TGFBR3: variants seen among roughly 807,000 people sequenced by gnomAD.
TGFBR3 encodes the protein transforming growth factor beta receptor type 3.
Under a neutral mutation model 87.9 loss-of-function variants are expected in TGFBR3, and 46 were observed. The ratio of observed to expected loss-of-function variants is 0.52; its 90% CI spans 0.41 to 0.67. The LOEUF (loss-of-function observed/expected upper bound fraction) is 0.67, where lower values mean the gene tolerates loss of function less well. Ranked by LOEUF, TGFBR3 falls within the 30% of genes least tolerant of loss-of-function variation. The probability of loss-of-function intolerance (pLI) is 0.00; values close to 1 mark genes in which losing one functional copy is unlikely to be tolerated. For synonymous variants in TGFBR3, 381 were observed against 391.6 expected (o/e 0.97, Z 0.32); for missense variants, 866 against 1,041.9 (o/e 0.83, Z 2.32).
chr1:91,875,496 G>C (rs1353528130), intron 1 of TGFBR3, among the ~76,000 whole-genome samples: 1 of 152,020 alleles, frequency 6.6e-6, no homozygotes, highest in Non-Finnish European at 1.5e-5. Context: ...ACTCAATGTA[G>C]ACTGAAAAGA....
intron 2 of TGFBR3, among the ~76,000 whole-genome samples, chr1:91,818,342 A>G (rs10874980): frequency 0.88 from 123,348 of 140,894 alleles, 54,406 homozygotes; most frequent in Middle Eastern, 0.91. Flanking sequence ...AGGACAGCAG[A>G]AAAACTGCTG....
intron 14 of TGFBR3, among the ~76,000 whole-genome samples, chr1:91,703,002 G>A (rs768791265): frequency 1.3e-5 from 2 of 151,948 alleles, no homozygotes; most frequent in Non-Finnish European, 2.9e-5. Flanking sequence ...CCGAGATTGC[G>A]CCACTGCACT....
intron 2 of TGFBR3, among the ~76,000 whole-genome samples, chr1:91,820,147 A>T (rs1399457491): frequency 6.6e-6 from 1 of 152,250 alleles, no homozygotes; most frequent in Non-Finnish European, 1.5e-5. Context: ...GTCATTCAAT[A>T]ATAAAGACCA....
intron 2 of TGFBR3, among the ~76,000 whole-genome samples, chr1:91,842,281 G>A (rs1409735646): frequency 4.6e-5 from 7 of 152,154 alleles, no homozygotes; most frequent in African/African-American, 1.7e-4. Context: ...AGCAAGATAA[G>A]AAGGAATAGG....
intron 3 of TGFBR3, among the ~76,000 whole-genome samples, chr1:91,790,500 G>A (rs919593495): frequency 6.6e-6 from 1 of 152,172 alleles, no homozygotes; most frequent in African/African-American, 2.4e-5. Context: ...AAAACTAAAT[G>A]ACCATTTCAG....
chr1:91,706,636 CTCTGGGG>C (rs1288011454), intron 14 of TGFBR3, among the ~76,000 whole-genome samples: 1 of 152,188 alleles, frequency 6.6e-6, no homozygotes, highest in Non-Finnish European at 1.5e-5. Flanking sequence ...AACCAGCAGC[CTCTGGGG>C]CTGCTCTGTC....
At chr1:91,732,771 G>C (rs1410784735) in intron 5 of TGFBR3, among the ~76,000 whole-genome samples, 1 of 152,170 alleles carries the variant, frequency 6.6e-6, no homozygotes, top group East Asian at 1.9e-4. Context: ...TACTGCACCA[G>C]ACACAAGGTC....
intron 16 of TGFBR3, among the ~76,000 whole-genome samples, chr1:91,695,054 C>G (rs1044001754): frequency 6.7e-6 from 1 of 149,990 alleles, no homozygotes. Context: ...AGGAGCACAT[C>G]TGAATTTTGA....
chr1:91,791,227 G>A (rs1419664078), intron 3 of TGFBR3, among the ~76,000 whole-genome samples: 2 of 152,142 alleles, frequency 1.3e-5, no homozygotes, highest in East Asian at 3.9e-4. Context: ...TATAAGCAGA[G>A]GACAGGTGAG....
chr1:91,836,855 A>T (rs931674472), intron 2 of TGFBR3, among the ~76,000 whole-genome samples: 11 of 152,192 alleles, frequency 7.2e-5, no homozygotes, highest in African/African-American at 2.4e-4. Flanking sequence ...TTTCTGCTAA[A>T]TATCAGAGAT....
chr1:91,849,992 G>A (rs1356684316), intron 2 of TGFBR3, among the ~76,000 whole-genome samples: 1 of 139,836 alleles, frequency 7.2e-6, no homozygotes, highest in Admixed American at 7.9e-5. Context: ...TGAGGCAGGA[G>A]AATGCATGAA....
At chr1:91,785,085 C>G (rs903065887) in intron 3 of TGFBR3, among the ~76,000 whole-genome samples, 1 of 152,166 alleles carries the variant, frequency 6.6e-6, no homozygotes, top group African/African-American at 2.4e-5. Context: ...AAACAGGCAT[C>G]GGACTGATGA....
intron 2 of TGFBR3, among the ~76,000 whole-genome samples, chr1:91,813,396 AG>A: frequency 6.6e-6 from 1 of 152,342 alleles, no homozygotes; most frequent in South Asian, 2.1e-4. Context: ...ATGTATAACT[AG>A]GTATGACAAA....
chr1:91,884,785 C>T lies in TGFBR3; in HGVS notation c.-114+1093G>A, dbSNP rs116028177. The stretch of plus-strand genomic sequence containing the variant: ...TATCCAAAAGAAACAACTGAGTTCA[C>T]ACTGAAGTAACTGTTTGCACTCTGC... On this transcript the variant is annotated intron_variant, in intron 1 of 16. Transcript: ENST00000212355. Among the ~76,000 whole-genome samples the T allele has an allele frequency of 3.2e-3, 480 of 152,364 alleles. 3 individuals carry two copies. Among genetic ancestry groups the T allele is most frequent in the African/African-American group, 0.011 (451 of 41,590 alleles).
At chr1:91,855,348 C>T (rs1237309043) in intron 2 of TGFBR3, among the ~76,000 whole-genome samples, 1 of 152,176 alleles carries the variant, frequency 6.6e-6, no homozygotes, top group Non-Finnish European at 1.5e-5. Context: ...ACCTCAGCGG[C>T]ACCCCTCTCA....
At position 91,686,855 on chromosome 1, in the gene TGFBR3, C is replaced by T. The variant is rs1003353820; in HGVS notation, c.2438-2998G>A. On this transcript the variant is annotated intron_variant, in intron 16 of 16. Transcript: ENST00000212355. ...TAAAGGAGATGGGCAGGGAGGACCTCGTGGCTAAGCAGACTAGGCCCAATT... is the reference window on the plus strand; with the variant it reads ...TAAAGGAGATGGGCAGGGAGGACCTTGTGGCTAAGCAGACTAGGCCCAATT... 1.6e-4 allele frequency among the ~76,000 whole-genome samples: 25 copies of T among 152,290 alleles called. 1 individual carries two copies. Among genetic ancestry groups the T allele is most frequent in the Admixed American group, 1.3e-3 (20 of 15,304 alleles).
chr1:91,761,875 A>T (rs1226144437), intron 3 of TGFBR3, among the ~76,000 whole-genome samples: 1 of 152,060 alleles, frequency 6.6e-6, no homozygotes, highest in Non-Finnish European at 1.5e-5. Context: ...TTGTGGTTAC[A>T]CTCTCCAGTG....
intron 2 of TGFBR3, among the ~76,000 whole-genome samples, chr1:91,811,583 A>T (rs1429609703): frequency 6.6e-6 from 1 of 152,190 alleles, no homozygotes; most frequent in African/African-American, 2.4e-5. Context: ...GTCAATAAGC[A>T]ATTTCTGAAA....
intron 1 of TGFBR3, among the ~76,000 whole-genome samples, chr1:91,878,424 G>C (rs1464523201): frequency 6.6e-6 from 1 of 152,154 alleles, no homozygotes. Context: ...CACTAAAAAT[G>C]CTAACAAAAC....
Sources: gnomAD v4.1 joint callset for allele counts (sites outside exome capture counted in the v4.1 genomes callset) on GRCh38, gnomAD v4.1.1 for gene constraint, MANE v1.5 for transcripts, NCBI Gene and HGNC (gene_info 2026-07-23, HGNC 2026-07-21) for gene names.